Variants in NRXN3 observed in about 807,000 individuals in gnomAD.
NRXN3 encodes the protein neurexin 3.
NRXN3 carries 32 observed loss-of-function variants against 137.6 expected under a neutral mutation model. The observed-to-expected ratio is 0.23, with a 90% CI of 0.18 to 0.31. The LOEUF (loss-of-function observed/expected upper bound fraction) is 0.31, where lower values mean the gene tolerates loss of function less well. Among genes scored for constraint, NRXN3 ranks in the 10% least tolerant of loss-of-function variants. NRXN3 has a pLI of 1.00. For synonymous variants in NRXN3, 798 were observed against 784.5 expected (o/e 1.02, Z -0.29); for missense variants, 1,574 against 2,062.5 (o/e 0.76, Z 4.59).
At chr14:78,211,177 A>T (rs552778614) in intron 1 of NRXN3, among the ~76,000 whole-genome samples, 2 of 152,328 alleles carry the variant, frequency 1.3e-5, no homozygotes, top group African/African-American at 4.8e-5. Flanking sequence ...GGCACAGAAA[A>T]GTTGTTTGTT....
intron 7 of NRXN3, among the ~76,000 whole-genome samples, chr14:78,712,927 TATATACC>T (rs2098416102): frequency 6.6e-6 from 1 of 152,204 alleles, no homozygotes; most frequent in Non-Finnish European, 1.5e-5. Flanking sequence ...CCCTTCAGGT[TATATACC>T]CTTCATAACT....
intron 15 of NRXN3, among the ~76,000 whole-genome samples, chr14:79,022,058 G>A (rs111899480): frequency 6.6e-6 from 1 of 152,188 alleles, no homozygotes; most frequent in African/African-American, 2.4e-5. Flanking sequence ...AAAAATATAT[G>A]TTATGTGAAG....
chr14:79,105,161 G>A (rs2052153038), intron 15 of NRXN3, among the ~76,000 whole-genome samples: 1 of 152,082 alleles, frequency 6.6e-6, no homozygotes, highest in African/African-American at 2.4e-5. Flanking sequence ...TGGATGAAAA[G>A]AATGACTTGA....
intron 10 of NRXN3, among the ~76,000 whole-genome samples, chr14:78,921,170 C>A (rs1283219312): frequency 6.6e-6 from 1 of 152,232 alleles, no homozygotes; most frequent in Middle Eastern, 3.4e-3. Flanking sequence ...AAATAGAAGA[C>A]TATTCCTTCA....
chr14:78,240,291 G>C (rs1278790851), intron 1 of NRXN3, among the ~76,000 whole-genome samples: 1 of 152,188 alleles, frequency 6.6e-6, no homozygotes, highest in African/African-American at 2.4e-5. Context: ...GAATGACCCT[G>C]CATGGCAGAT....
At chr14:79,061,699 A>T (rs770905599) in intron 15 of NRXN3, among the ~76,000 whole-genome samples, 64 of 152,184 alleles carry the variant, frequency 4.2e-4, no homozygotes, top group Non-Finnish European at 1.6e-4. Flanking sequence ...TACGGCATCA[A>T]GGATTACCTT....
chr14:78,960,869 A>C (rs1344525679), intron 11 of NRXN3, among the ~76,000 whole-genome samples: 2 of 152,226 alleles, frequency 1.3e-5, no homozygotes, highest in African/African-American at 4.8e-5. Flanking sequence ...TTCTCATAGT[A>C]ATTTTTAAAA....
intron 6 of NRXN3, among the ~76,000 whole-genome samples, chr14:78,677,486 A>T (rs2098020986): frequency 1.3e-5 from 2 of 152,100 alleles, no homozygotes; most frequent in Admixed American, 1.3e-4. Context: ...CAATCTCATG[A>T]TAAAACTTGT....
chr14:79,335,876 C>T (rs1340722172), intron 15 of NRXN3, among the ~76,000 whole-genome samples: 6 of 152,114 alleles, frequency 3.9e-5, no homozygotes, highest in Non-Finnish European at 8.8e-5. Context: ...TTATCTGTCA[C>T]TTAGCATTAA....
chr14:79,590,447 TAGTGCTAGTCAA>T (rs1411625228), intron 16 of NRXN3, among the ~76,000 whole-genome samples: 1 of 113,844 alleles, frequency 8.8e-6, no homozygotes, highest in Non-Finnish European at 1.7e-5. Flanking sequence ...AAGATTATGA[TAGTGCTAGTCAA>T]TACTGAGTTG....
At chr14:78,698,384 G>C (rs576789118) in intron 6 of NRXN3, 37 of 152,140 alleles carry the variant, frequency 2.4e-4, no homozygotes, top group African/African-American at 7.2e-4. Context: ...TGTTTGGCAT[G>C]CCTATTGTCA....
At chr14:78,198,625 A>T (rs1203278589) in intron 1 of NRXN3, among the ~76,000 whole-genome samples, 1 of 152,252 alleles carries the variant, frequency 6.6e-6, no homozygotes, top group African/African-American at 2.4e-5. Flanking sequence ...TTATTGTCCT[A>T]GCCTGTCCCA....
At chr14:78,292,506 A>T (rs1180491471) in intron 3 of NRXN3, among the ~76,000 whole-genome samples, 3 of 152,182 alleles carry the variant, frequency 2.0e-5, no homozygotes, top group Admixed American at 2.0e-4. Context: ...GAAGGGTCAA[A>T]AGTATCAGAC....
intron 9 of NRXN3, among the ~76,000 whole-genome samples, chr14:78,809,582 GT>G (rs1039384284): frequency 1.8e-4 from 27 of 152,186 alleles, no homozygotes; most frequent in African/African-American, 6.3e-4. Context: ...TGGGATGGGT[GT>G]TTGTGCGGTT....
chr14:78,403,230 C>G (rs2092236995), intron 4 of NRXN3, among the ~76,000 whole-genome samples: 1 of 152,180 alleles, frequency 6.6e-6, no homozygotes, highest in African/African-American at 2.4e-5. Flanking sequence ...GAAGAAGGGG[C>G]CCCAGGTAAC....
chr14:78,572,635 C>T (rs77528694), intron 4 of NRXN3, among the ~76,000 whole-genome samples: 1,849 of 152,330 alleles, frequency 0.012, 37 homozygotes, highest in African/African-American at 0.043. Context: ...TACACTAACA[C>T]TGAGATATAG....
chr14:79,855,865 A>G (rs1193388285), intron 20 of NRXN3, among the ~76,000 whole-genome samples: 1 of 152,164 alleles, frequency 6.6e-6, no homozygotes, highest in African/African-American at 2.4e-5. Flanking sequence ...GTATTTTATT[A>G]TTCTCATTTT....
At chr14:79,499,431 A>G (rs1279443076) in intron 16 of NRXN3, among the ~76,000 whole-genome samples, 1 of 152,124 alleles carries the variant, frequency 6.6e-6, no homozygotes, top group East Asian at 1.9e-4. Flanking sequence ...GATCATCATA[A>G]CTTAGTAAGC....
At chr14:79,203,452 A>G (rs7154594) in intron 15 of NRXN3, among the ~76,000 whole-genome samples, 1 of 152,190 alleles carries the variant, frequency 6.6e-6, no homozygotes, top group African/African-American at 2.4e-5. Context: ...GGCTGTACAG[A>G]GTATAAATCC....
Sources: gnomAD v4.1 joint callset for allele counts (sites outside exome capture counted in the v4.1 genomes callset) on GRCh38, gnomAD v4.1.1 for gene constraint, MANE v1.5 for transcripts, NCBI Gene and HGNC (gene_info 2026-07-23, HGNC 2026-07-21) for gene names.